KCNIP4: variants seen among roughly 807,000 people sequenced by gnomAD.
KCNIP4 encodes Kv channel-interacting protein 4.
In KCNIP4, 12 loss-of-function variants were observed where a neutral mutation model predicts 34.0. The ratio of observed to expected loss-of-function variants is 0.35; its 90% CI spans 0.23 to 0.57. The LOEUF is 0.57. Among genes scored for constraint, KCNIP4 ranks in the 20% least tolerant of loss-of-function variants. KCNIP4 has a pLI of 0.83. For missense variants in KCNIP4, 238 were observed against 311.7 expected, an observed-to-expected ratio of 0.76 and a Z score of 1.78; for synonymous variants, 124 against 102.2, an observed-to-expected ratio of 1.21 and a Z score of -1.29.
chr4:21,865,908 TATATATATATATGGTGTCTC>T (rs957965460), intron 1 of KCNIP4, among the ~76,000 whole-genome samples: 39 of 132,310 alleles, frequency 2.9e-4, no homozygotes, highest in African/African-American at 9.2e-4. Flanking sequence ...TTTGCCACCA[TATATATATATATGGTGTCTC>T]ATATATATAT....
intron 1 of KCNIP4, among the ~76,000 whole-genome samples, chr4:21,519,564 A>ATATACACATGTGTG (rs1735218029): frequency 4.3e-5 from 1 of 23,488 alleles, no homozygotes; most frequent in African/African-American, 1.7e-4. Flanking sequence ...GTGTATGTGT[A>ATATACACATGTGTG]TATATACACA....
At chr4:21,155,220 A>T (rs1379656871) in intron 1 of KCNIP4, among the ~76,000 whole-genome samples, 1 of 152,140 alleles carries the variant, frequency 6.6e-6, no homozygotes, top group Non-Finnish European at 1.5e-5. Context: ...ATGAGAGAGA[A>T]ATTAATATCC....
At chr4:21,383,657 T>A (rs997017756) in intron 1 of KCNIP4, among the ~76,000 whole-genome samples, 18 of 152,158 alleles carry the variant, frequency 1.2e-4, no homozygotes. Context: ...TAAATAGATT[T>A]ATCTATTACA....
chr4:20,963,083 AG>A (rs528693177), intron 1 of KCNIP4, among the ~76,000 whole-genome samples: 16 of 152,200 alleles, frequency 1.1e-4, no homozygotes, highest in African/African-American at 3.9e-4. Flanking sequence ...GCACTTTGGG[AG>A]GCGAGGCAGG....
intron 1 of KCNIP4, among the ~76,000 whole-genome samples, chr4:21,358,081 A>T (rs920930347): frequency 4.6e-5 from 7 of 152,088 alleles, no homozygotes; most frequent in Admixed American, 1.3e-4. Context: ...AGAAAATCAA[A>T]CACCGCCTGT....
intron 1 of KCNIP4, chr4:21,762,933 C>T: frequency 7.8e-7 from 1 of 1,288,590 alleles, no homozygotes; most frequent in South Asian, 1.2e-5. Flanking sequence ...GATGATCTGA[C>T]AGGTGCTCCC....
chr4:21,727,776 C>T (rs558288767), intron 1 of KCNIP4, among the ~76,000 whole-genome samples: 1 of 152,254 alleles, frequency 6.6e-6, no homozygotes, highest in South Asian at 2.1e-4. Context: ...TTGCAGTGAG[C>T]TGAGACCACA....
chr4:21,209,229 T>C (rs1252641918), intron 1 of KCNIP4, among the ~76,000 whole-genome samples: 2 of 152,164 alleles, frequency 1.3e-5, no homozygotes, highest in Non-Finnish European at 2.9e-5. Context: ...AACATATCCG[T>C]CATCTTAAAA....
At chr4:20,766,382 A>T (rs1226186668) in intron 3 of KCNIP4, among the ~76,000 whole-genome samples, 1 of 152,158 alleles carries the variant, frequency 6.6e-6, no homozygotes, top group Non-Finnish European at 1.5e-5. Flanking sequence ...CTTGGACAAC[A>T]TGGTGAAACC....
chr4:21,203,340 T>G (rs1756626617), intron 1 of KCNIP4, among the ~76,000 whole-genome samples: 1 of 147,358 alleles, frequency 6.8e-6, no homozygotes, highest in African/African-American at 2.7e-5. Flanking sequence ...ACTGGATGAT[T>G]GGCAGAAAAA....
chr4:21,106,221 G>T (rs886804727), intron 1 of KCNIP4, among the ~76,000 whole-genome samples: 4 of 136,144 alleles, frequency 2.9e-5, no homozygotes, highest in Non-Finnish European at 4.7e-5. Context: ...GAATCCATCT[G>T]GTCCTGGACT....
chr4:20,946,827 C>T (rs1732243419), intron 1 of KCNIP4, among the ~76,000 whole-genome samples: 1 of 152,138 alleles, frequency 6.6e-6, no homozygotes, highest in African/African-American at 2.4e-5. Context: ...AAATGGGGTC[C>T]TAATCTGTGG....
intron 1 of KCNIP4, among the ~76,000 whole-genome samples, chr4:21,334,282 G>A (rs1715939609): frequency 6.6e-6 from 1 of 151,872 alleles, no homozygotes; most frequent in African/African-American, 2.4e-5. Flanking sequence ...GGGAATAAAA[G>A]GGTGAAATGA....
intron 1 of KCNIP4, among the ~76,000 whole-genome samples, chr4:21,247,761 C>T (rs866846582): frequency 0.026 from 1,425 of 54,352 alleles, 108 homozygotes; most frequent in African/African-American, 0.18. Flanking sequence ...TATATATATA[C>T]ACCCCACAGG....
At chr4:21,148,950 C>T (rs771431884) in intron 1 of KCNIP4, among the ~76,000 whole-genome samples, 9 of 152,164 alleles carry the variant, frequency 5.9e-5, no homozygotes, top group Non-Finnish European at 1.2e-4. Flanking sequence ...TTTGAGTATA[C>T]AGCATTAAAA....
chr4:21,352,295 C>T lies in KCNIP4; in HGVS notation c.62-469586G>A, dbSNP rs193038319. Among the ~76,000 whole-genome samples, 968 of 152,234 alleles carry T rather than the reference C, an allele frequency of 6.4e-3. 7 individuals carry two copies. Among genetic ancestry groups the T allele is most frequent in the Non-Finnish European group, 8.7e-3 (590 of 68,006 alleles). ...CTGGTTGGACAGTGGGTGTAGCCCA[C>T]GGAGGGCAAGCCAAAGCAGGGTGGG... On this transcript the variant is annotated intron_variant, in intron 1 of 8. Transcript: ENST00000382152.
At chr4:21,006,725 G>T (rs973938679) in intron 1 of KCNIP4, among the ~76,000 whole-genome samples, 12 of 152,310 alleles carry the variant, frequency 7.9e-5, no homozygotes, top group Non-Finnish European at 1.5e-4. Flanking sequence ...AGGACATGGG[G>T]CAGGGAATGG....
chr4:21,455,824 T>C (rs1434783361), intron 1 of KCNIP4, among the ~76,000 whole-genome samples: 2 of 64,622 alleles, frequency 3.1e-5, no homozygotes, highest in East Asian at 6.2e-4. Context: ...TATATATATA[T>C]ATATATATAT....
intron 1 of KCNIP4, among the ~76,000 whole-genome samples, chr4:21,015,114 A>G (rs995535825): frequency 2.6e-5 from 4 of 151,998 alleles, no homozygotes; most frequent in African/African-American, 9.7e-5. Flanking sequence ...TAGTGGTGAT[A>G]AGGAACTCTG....
Sources: allele counts gnomAD v4.1 joint callset (sites outside exome capture counted in the v4.1 genomes callset), GRCh38; gene constraint gnomAD v4.1.1; transcripts MANE v1.5; gene names NCBI Gene and HGNC (gene_info 2026-07-23, HGNC 2026-07-21).